Variants in SNX4 observed in about 807,000 individuals in gnomAD.
The protein encoded by SNX4 is sorting nexin-4.
Under a neutral mutation model 70.8 loss-of-function variants are expected in SNX4, and 49 were observed. The ratio of observed to expected loss-of-function variants is 0.69; its 90% confidence interval spans 0.55 to 0.88. The LOEUF is 0.88. Ranked by LOEUF, SNX4 falls within the 40% of genes least tolerant of loss-of-function variation. SNX4 has a pLI of 0.00. For missense variants in SNX4, 528 were observed against 544.8 expected, an observed-to-expected ratio of 0.97 and a Z score of 0.31; for synonymous variants, 206 against 183.8, an observed-to-expected ratio of 1.12 and a Z score of -0.98.
chr3:125,502,624 A>G (rs1934954180), intron 2 of SNX4, among the ~76,000 whole-genome samples: 1 of 151,698 alleles, frequency 6.6e-6, no homozygotes, highest in Non-Finnish European at 1.5e-5. Flanking sequence ...TAATCCCAGC[A>G]CTTTGGGAGG....
intron 10 of SNX4, 84 bp from the exon 11 acceptor site, chr3:125,457,449 C>T: frequency 2.1e-6 from 2 of 939,406 alleles, no homozygotes; most frequent in Non-Finnish European, 3.4e-6. Flanking sequence ...GAACCATTCA[C>T]AATGTCTCGC....
chr3:125,500,672 C>T (rs1009839964), intron 2 of SNX4, among the ~76,000 whole-genome samples: 4 of 151,434 alleles, frequency 2.6e-5, no homozygotes, highest in Admixed American at 6.6e-5. Context: ...CGTGGTGTTG[C>T]GCGCCTGTAG....
intron 6 of SNX4, among the ~76,000 whole-genome samples, chr3:125,487,710 GA>G (rs1282034761): frequency 6.8e-6 from 1 of 146,196 alleles, no homozygotes. Context: ...CAAATTAAGT[GA>G]AAGAAGCCAA....
chr3:125,499,310 G>A (rs1052423440), intron 2 of SNX4, among the ~76,000 whole-genome samples: 6 of 152,142 alleles, frequency 3.9e-5, no homozygotes, highest in Non-Finnish European at 7.3e-5. Context: ...TGCCCTCCAT[G>A]AAATGCACAA....
In SNX4 at chr3:125,498,068, T is replaced by G. The variant is rs764161494; in HGVS notation, c.390A>C (p.Pro130=). The change falls in exon 3 of 14, where the codon CCA becomes CCC. Residue 130 remains proline, a synonymous_variant. Coordinates refer to ENST00000251775, the MANE Select transcript of SNX4 (RefSeq NM_003794.4). ...CCATTTCACTTCTTACCCGTTTTTCTGGCAGAGGTGGCACAACAATATGTG... is the reference window on the plus strand; with the variant it reads ...CCATTTCACTTCTTACCCGTTTTTCGGGCAGAGGTGGCACAACAATATGTG... The part of the protein sequence containing the change: ...YYPHIVVPPL[P]EKRAEFVWHK... 15 of 1,613,998 alleles carry G rather than the reference T, an allele frequency of 9.3e-6. No individual in the cohort carries two copies. The highest frequency in any genetic ancestry group is 8.5e-7 in the Non-Finnish European group (1 of 1,180,024).
At chr3:125,479,172 A>G (rs2078340915) in intron 7 of SNX4, among the ~76,000 whole-genome samples, 1 of 152,160 alleles carries the variant, frequency 6.6e-6, no homozygotes, top group East Asian at 1.9e-4. Flanking sequence ...CTATATAGCC[A>G]AACTCATTTC....
chr3:125,482,364 G>A (rs762023408), intron 6 of SNX4, among the ~76,000 whole-genome samples: 1 of 152,104 alleles, frequency 6.6e-6, no homozygotes, highest in East Asian at 1.9e-4. Flanking sequence ...GAAAACCTGA[G>A]TGCATCTGTA....
rs982012843 is a variant in SNX4 at position 125,470,496 on chromosome 3, A to AC, written c.789-978_789-977insG. Among the ~76,000 whole-genome samples the AC allele has an allele frequency of 7.3e-5, 11 of 151,690 alleles. 1 individual carries two copies. Among genetic ancestry groups the AC allele is most frequent in the African/African-American group, 2.4e-4 (10 of 41,490 alleles). On this transcript the variant is annotated intron_variant, in intron 8 of 13. Coordinates refer to ENST00000251775, the MANE Select transcript of SNX4 (RefSeq NM_003794.4). The stretch of plus-strand genomic sequence containing the variant: ...ATCTTTTCCCTAAAAAGTTAAAAAA[A>AC]AAAAAACAAAAAACACAACATTTTG...
At chr3:125,481,863 G>C (rs895236489) in intron 6 of SNX4, among the ~76,000 whole-genome samples, 1 of 152,084 alleles carries the variant, frequency 6.6e-6, no homozygotes, top group African/African-American at 2.4e-5. Flanking sequence ...CATGCTGGTA[G>C]TCCTCAGGTT....
At chr3:125,450,437 A>G (rs1319677728) in intron 13 of SNX4, among the ~76,000 whole-genome samples, 1 of 152,240 alleles carries the variant, frequency 6.6e-6, no homozygotes, top group Non-Finnish European at 1.5e-5. Flanking sequence ...AAACTAAAGC[A>G]TAAGAATTGT....
intron 12 of SNX4, among the ~76,000 whole-genome samples, chr3:125,452,384 C>A (rs1343272434): frequency 2.6e-5 from 4 of 151,668 alleles, no homozygotes; most frequent in African/African-American, 9.7e-5. Context: ...GTGTGAGCCA[C>A]CACGGCCAGC....
At chr3:125,515,582 T>C (rs1258614543) in intron 1 of SNX4, among the ~76,000 whole-genome samples, 1 of 150,716 alleles carries the variant, frequency 6.6e-6, no homozygotes, top group African/African-American at 2.4e-5. Flanking sequence ...GGAGGACTGC[T>C]TGAGACCAGT....
chr3:125,476,290 G>T (rs1934287193), intron 8 of SNX4, among the ~76,000 whole-genome samples: 1 of 145,796 alleles, frequency 6.9e-6, no homozygotes, highest in South Asian at 2.2e-4. Flanking sequence ...AAAAAAAAAG[G>T]GCTGGGTGCA....
chr3:125,504,976 T>C (rs73191134), intron 1 of SNX4, among the ~76,000 whole-genome samples: 5,809 of 152,320 alleles, frequency 0.038, 216 homozygotes, highest in East Asian at 0.12. Flanking sequence ...TGTATTTATT[T>C]TTATTTTTTT....
intron 5 of SNX4, among the ~76,000 whole-genome samples, chr3:125,492,107 CAAAAAAAAAAA>C (rs60558490): frequency 1.5e-4 from 7 of 47,398 alleles, no homozygotes; most frequent in South Asian, 2.1e-3. Context: ...GACTCCATCT[CAAAAAAAAAAA>C]AAAAAAAAAA....
chr3:125,446,993 T>C lies in SNX4; in HGVS notation c.*786A>G, dbSNP rs1933440216. The C allele has an allele frequency of 6.6e-6, 1 of 152,600 alleles. No individual in the cohort carries two copies. The highest frequency in any genetic ancestry group is 1.5e-5 in the Non-Finnish European group (1 of 68,030). The allele number at this position is 152,600 out of a possible 1,614,324, so 9.5% of individuals were successfully genotyped here. ...CATTGAAATGCTACATCTTATACCC[T>C]GAAATGCCATGTGTAGAGAGCCAAG... On this transcript the variant is annotated 3_prime_UTR_variant, in exon 14 of 14. Transcript: ENST00000251775.
intron 5 of SNX4, among the ~76,000 whole-genome samples, chr3:125,493,269 C>T (rs1934702055): frequency 1.3e-5 from 2 of 151,984 alleles, no homozygotes; most frequent in South Asian, 4.1e-4. Context: ...TATAAATATT[C>T]CACCCCCCTA....
chr3:125,464,192 G>A (rs1024217620), intron 9 of SNX4, among the ~76,000 whole-genome samples: 14 of 151,890 alleles, frequency 9.2e-5, no homozygotes, highest in African/African-American at 3.1e-4. Context: ...TTTTCTCATC[G>A]TCTGCAACTG....
chr3:125,467,903 A>C (rs1934074475), intron 9 of SNX4, among the ~76,000 whole-genome samples: 1 of 152,206 alleles, frequency 6.6e-6, no homozygotes, highest in African/African-American at 2.4e-5. Context: ...TATATCCCCC[A>C]AAATATAAAT....
Sources: allele counts gnomAD v4.1 joint callset (sites outside exome capture counted in the v4.1 genomes callset), GRCh38; gene constraint gnomAD v4.1.1; transcripts MANE v1.5; gene names NCBI Gene and HGNC (gene_info 2026-07-23, HGNC 2026-07-21).